Variants in CNTLN observed in about 807,000 individuals in gnomAD.
CNTLN encodes centlein, centrosomal protein.
A neutral mutation model predicts 180.0 loss-of-function variants in CNTLN; 212 were observed. That is an observed-to-expected ratio of 1.18 (90% confidence interval 1.05 to 1.32). The LOEUF is 1.32. Ranked by LOEUF, CNTLN falls within the 40% of genes most tolerant of loss-of-function variation. The pLI is 0.00. For synonymous variants in CNTLN, 722 were observed against 563.1 expected, an observed-to-expected ratio of 1.28 and a Z score of -3.99; for missense variants, 2,095 against 1,610.9, an observed-to-expected ratio of 1.30 and a Z score of -5.14.
intron 3 of CNTLN, among the ~76,000 whole-genome samples, chr9:17,228,419 A>C (rs756364820): frequency 9.9e-5 from 15 of 152,054 alleles, no homozygotes; most frequent in Non-Finnish European, 1.6e-4. Context: ...ATTTTTGTGC[A>C]ATGATGATTA....
intron 2 of CNTLN, among the ~76,000 whole-genome samples, chr9:17,155,877 T>C: frequency 6.6e-6 from 1 of 152,146 alleles, no homozygotes; most frequent in East Asian, 1.9e-4. Context: ...GGGTAGGCAC[T>C]GGAGGGAATC....
chr9:17,507,090 A>G (rs1176562859), downstream of CNTLN, among the ~76,000 whole-genome samples: 1 of 152,088 alleles, frequency 6.6e-6, no homozygotes, highest in Non-Finnish European at 1.5e-5. Flanking sequence ...TAATCTCATC[A>G]CCCAAGTAGC....
intron 7 of CNTLN, chr9:17,299,767 A>T (rs1818217904): frequency 2.0e-6 from 2 of 982,974 alleles, no homozygotes; most frequent in South Asian, 9.4e-5. Context: ...ATTGTTATTA[A>T]TACTAATTAA....
chr9:17,236,493 A>G lies in CNTLN; in HGVS notation c.754A>G (p.Thr252Ala). Residue 252 changes from threonine (T) to alanine (A), a missense_variant, in exon 5 of 26, where the codon ACC becomes GCC. Coordinates refer to ENST00000380647, the MANE Select transcript of CNTLN (RefSeq NM_017738.4). ...GGAGGAGGAAAACAAGAAATTAAGT[A>G]CCCGCTGCACTGACCTGCTAAATGA... ...NLEEENKKLS[T>A]RCTDLLNDLE... The G allele has an allele frequency of 1.9e-6, 3 of 1,613,730 alleles. No homozygotes were observed. Among genetic ancestry groups the G allele is most frequent in the Non-Finnish European group, 2.5e-6 (3 of 1,179,768 alleles).
intron 2 of CNTLN, among the ~76,000 whole-genome samples, chr9:17,160,787 T>C (rs1231411753): frequency 1.3e-5 from 2 of 152,214 alleles, no homozygotes; most frequent in Non-Finnish European, 2.9e-5. Flanking sequence ...ACCTTTAAGC[T>C]TGGATGCCTA....
chr9:17,493,106 C>T (rs552074094), intron 25 of CNTLN, among the ~76,000 whole-genome samples: 7 of 137,722 alleles, frequency 5.1e-5, no homozygotes, highest in Admixed American at 3.9e-4. Flanking sequence ...GTTTAATATA[C>T]GTGGAATTTC....
At chr9:17,526,298 C>T in the CNTLN span, among the ~76,000 whole-genome samples, 3 of 152,102 alleles carry the variant, frequency 2.0e-5, no homozygotes, top group African/African-American at 7.2e-5. Flanking sequence ...AATAAGTGCT[C>T]ATAGAGCAAT....
At chr9:17,220,604 T>C (rs1426967592) in intron 2 of CNTLN, among the ~76,000 whole-genome samples, 1 of 152,160 alleles carries the variant, frequency 6.6e-6, no homozygotes, top group East Asian at 1.9e-4. Flanking sequence ...CACTCTCTGA[T>C]AGGACCCAGT....
At chr9:17,260,834 C>A (rs772976419) in intron 5 of CNTLN, among the ~76,000 whole-genome samples, 7 of 151,254 alleles carry the variant, frequency 4.6e-5, no homozygotes, top group Non-Finnish European at 8.8e-5. Flanking sequence ...ATATTTAAGT[C>A]TTTAATCCAT....
chr9:17,320,589 G>A (rs1587647280), intron 8 of CNTLN, among the ~76,000 whole-genome samples: 1 of 152,040 alleles, frequency 6.6e-6, no homozygotes, highest in East Asian at 1.9e-4. Context: ...TGCAACCTCC[G>A]CCTCCTGGGT....
At chr9:17,485,322 A>G (rs1832838672) in intron 24 of CNTLN, among the ~76,000 whole-genome samples, 1 of 152,132 alleles carries the variant, frequency 6.6e-6, no homozygotes, top group African/African-American at 2.4e-5. Flanking sequence ...ATCTTCTGGA[A>G]TAGAGCAAAT....
chr9:17,498,471 A>C (rs1833574124), intron 25 of CNTLN, among the ~76,000 whole-genome samples: 1 of 152,138 alleles, frequency 6.6e-6, no homozygotes, highest in Non-Finnish European at 1.5e-5. Flanking sequence ...ATCAGGGGAG[A>C]TCCCTCCAGT....
chr9:17,404,108 C>A (rs900148233), intron 15 of CNTLN, among the ~76,000 whole-genome samples: 1 of 151,714 alleles, frequency 6.6e-6, no homozygotes, highest in Non-Finnish European at 1.5e-5. Flanking sequence ...GGATATATGA[C>A]AATGCTCTGT....
chr9:17,373,012 A>C (rs978218919), intron 13 of CNTLN, among the ~76,000 whole-genome samples: 1 of 152,150 alleles, frequency 6.6e-6, no homozygotes, highest in African/African-American at 2.4e-5. Flanking sequence ...GGACAGAGCT[A>C]TTGCTGGTTA....
Position 17,366,696 on chromosome 9 carries a change from T to A in CNTLN, c.1966T>A (p.Cys656Ser), listed in dbSNP as rs77333912. 112 of 1,577,140 alleles carry A rather than the reference T, an allele frequency of 7.1e-5. No individual in the cohort carries two copies. Among genetic ancestry groups the A allele is most frequent in the Middle Eastern group, 1.7e-4 (1 of 6,014 alleles). Residue 656 changes from cysteine (C) to serine (S), a missense_variant, in exon 13 of 26, where the codon TGT (cysteine) becomes AGT (serine). Cys to Ser is a moderately radical substitution (Grantham distance 112). Transcript: ENST00000380647. ...DKAAIQELNRCVAERREEQLF... is the reference protein window; with the variant it reads ...DKAAIQELNRSVAERREEQLF... ...GGCAGCAATACAAGAATTGAATAGA[T>A]GTGTGGCAGAGAGAAGAGAAGGTAA...
At chr9:17,457,319 A>G (rs1420654295) in intron 18 of CNTLN, among the ~76,000 whole-genome samples, 1 of 152,068 alleles carries the variant, frequency 6.6e-6, no homozygotes, top group East Asian at 1.9e-4. Flanking sequence ...TAGCTGGTTC[A>G]CTTTGTTTTA....
intron 18 of CNTLN, among the ~76,000 whole-genome samples, chr9:17,445,914 ATCT>A (rs1305551410): frequency 6.6e-6 from 1 of 152,214 alleles, no homozygotes; most frequent in Admixed American, 6.5e-5. Context: ...TGTATGCTCC[ATCT>A]ACTGAGATAG....
intron 7 of CNTLN, chr9:17,301,084 C>T (rs1818311390): frequency 3.0e-6 from 3 of 985,206 alleles, no homozygotes; most frequent in Non-Finnish European, 3.6e-6. Flanking sequence ...AGAAAGCTCT[C>T]CTTGATGGTG....
rs143498058 is a variant in CNTLN, at chr9:17,384,311, C to T, written c.1988-3851C>T. Among the ~76,000 whole-genome samples the T allele has an allele frequency of 2.8e-3, 416 of 150,618 alleles. 3 individuals are homozygous for T. The highest frequency in any genetic ancestry group is 9.5e-3 in the African/African-American group (391 of 41,224). The stretch of plus-strand genomic sequence containing the variant: ...AAATGAAAAAAAAAAAACTACTTAT[C>T]CTTCTGTTTTCCTACCTCTCGTCCT... On this transcript the variant is annotated intron_variant, in intron 13 of 25. Coordinates refer to ENST00000380647, the MANE Select transcript of CNTLN (RefSeq NM_017738.4).
Sources: gnomAD v4.1 joint callset for allele counts (sites outside exome capture counted in the v4.1 genomes callset) on GRCh38, gnomAD v4.1.1 for gene constraint, MANE v1.5 for transcripts, NCBI Gene and HGNC (gene_info 2026-07-23, HGNC 2026-07-21) for gene names.